The following EPHA5 variants were observed in gnomAD, a reference collection of about 807,000 sequenced individuals.
The protein encoded by EPHA5 is ephrin type-A receptor 5.
EPHA5 carries 60 observed loss-of-function variants against 105.0 expected under a neutral mutation model. The ratio of observed to expected loss-of-function variants is 0.57; its 90% CI spans 0.46 to 0.71. The LOEUF (loss-of-function observed/expected upper bound fraction) is 0.71. EPHA5 is among the 30% of genes least tolerant of loss of function. The probability of loss-of-function intolerance (pLI) is 0.00; values close to 1 mark genes in which losing one functional copy is unlikely to be tolerated. For missense variants in EPHA5, 1,218 were observed against 1,274.7 expected, an observed-to-expected ratio of 0.96 and a Z score of 0.68; for synonymous variants, 513 against 449.1, an observed-to-expected ratio of 1.14 and a Z score of -1.80.
intron 3 of EPHA5, among the ~76,000 whole-genome samples, chr4:65,578,184 C>T (rs1741254276): frequency 6.6e-6 from 1 of 152,092 alleles, no homozygotes; most frequent in African/African-American, 2.4e-5. Context: ...CCGAGTTTCT[C>T]ATCTAACACC....
chr4:65,667,784 C>G (rs769156020), intron 1 of EPHA5, among the ~76,000 whole-genome samples: 2 of 152,150 alleles, frequency 1.3e-5, no homozygotes, highest in African/African-American at 2.4e-5. Context: ...CTAAGTTCTC[C>G]CCTTCCATCA....
chr4:65,406,291 T>C (rs1197765040), intron 7 of EPHA5, among the ~76,000 whole-genome samples: 1 of 152,334 alleles, frequency 6.6e-6, no homozygotes, highest in African/African-American at 2.4e-5. Flanking sequence ...TGAAATTTTT[T>C]ATTCTTCTGC....
rs1466663638 is a variant in EPHA5 at position 65,322,661 on chromosome 4, C to G, written c.*1453G>C. 8.9e-6 allele frequency: 2 copies of G among 225,236 alleles called. No homozygotes were observed. Among genetic ancestry groups the G allele is most frequent in the Non-Finnish European group, 1.8e-5 (2 of 113,096 alleles). 14.0% of individuals were successfully genotyped at this position (225,236 alleles called of 1,614,324 possible). The stretch of plus-strand genomic sequence containing the variant: ...CATACATAGAAGATATGTTATATTC[C>G]TTAATAAGCCTAATTACATAATACC... On this transcript the variant is annotated 3_prime_UTR_variant, in exon 17 of 17. Transcript: ENST00000613740.
Position 65,374,368 on chromosome 4 carries a change from C to T in EPHA5, c.1794-6944G>A, listed in dbSNP as rs1718782234. ...ACAACAAAGCAAGCAGGCAACTATA[C>T]TGATGAAAATAATTTGAGATAAAAG... is the stretch of plus-strand genomic sequence containing the variant. On this transcript the variant is annotated intron_variant, in intron 8 of 16. Transcript: ENST00000613740. Among the ~76,000 whole-genome samples the T allele has an allele frequency of 2.0e-5, 3 of 151,840 alleles. No individual in the cohort carries two copies. In the Admixed American group the frequency reaches 2.0e-4, roughly 10 times the overall value.
At chr4:65,665,282 C>G (rs550760919) in intron 1 of EPHA5, among the ~76,000 whole-genome samples, 4 of 152,036 alleles carry the variant, frequency 2.6e-5, no homozygotes, top group African/African-American at 9.6e-5. Flanking sequence ...TAAAAAAGCA[C>G]TCCAGACAAA....
At chr4:65,652,603 C>T (rs1748706222) in intron 1 of EPHA5, among the ~76,000 whole-genome samples, 1 of 152,034 alleles carries the variant, frequency 6.6e-6, no homozygotes, top group Non-Finnish European at 1.5e-5. Context: ...TCATACTCGC[C>T]CCAACGTTTG....
chr4:65,576,058 G>GAAAGAAAGAAA (rs1740936148), intron 3 of EPHA5, among the ~76,000 whole-genome samples: 1 of 50,814 alleles, frequency 2.0e-5, no homozygotes, highest in South Asian at 7.4e-4. Context: ...AAGAAAGAAA[G>GAAAGAAAGAAA]AAAAGAAAAG....
intron 8 of EPHA5, among the ~76,000 whole-genome samples, chr4:65,394,998 G>T (rs1287710389): frequency 3.9e-5 from 6 of 152,106 alleles, no homozygotes; most frequent in Non-Finnish European, 8.8e-5. Context: ...GCTCGTTGAT[G>T]TGTCTAAATT....
At chr4:65,354,840 G>A (rs924080083) in intron 11 of EPHA5, among the ~76,000 whole-genome samples, 3 of 151,758 alleles carry the variant, frequency 2.0e-5, no homozygotes, top group East Asian at 3.9e-4. Flanking sequence ...TAATAATATA[G>A]GACAAGTAAG....
intron 3 of EPHA5, among the ~76,000 whole-genome samples, chr4:65,549,055 C>T (rs1737647876): frequency 6.6e-6 from 1 of 152,158 alleles, no homozygotes; most frequent in African/African-American, 2.4e-5. Flanking sequence ...AATAGCAGAT[C>T]TTTCTTTGAC....
chr4:65,574,641 C>T lies in EPHA5; in HGVS notation c.910+27000G>A, dbSNP rs1040139119. Among the ~76,000 whole-genome samples, 379 of 70,256 alleles carry T rather than the reference C, an allele frequency of 5.4e-3. 10 individuals carry two copies. The highest frequency in any genetic ancestry group is 0.016 in the African/African-American group (359 of 21,896). 46.1% of individuals were successfully genotyped at this position (70,256 alleles called of 152,430 possible). A position where few individuals can be genotyped will look rare whatever the true frequency, so the allele number is the denominator to read the frequency against. ...ATATATATATACACATATATATATA[C>T]ACATATATATACACATATATATATA... On this transcript the variant is annotated intron_variant, in intron 3 of 16. Transcript: ENST00000613740.
chr4:65,612,016 CAAAAAAAAA>C (rs1167342911), intron 2 of EPHA5, among the ~76,000 whole-genome samples: 6 of 58,104 alleles, frequency 1.0e-4, no homozygotes, highest in Non-Finnish European at 1.8e-4. Context: ...GACCCTCTCT[CAAAAAAAAA>C]AAAAAAAAAA....
chr4:65,533,017 C>A (rs1387790972), intron 3 of EPHA5, among the ~76,000 whole-genome samples: 1 of 152,090 alleles, frequency 6.6e-6, no homozygotes, highest in Non-Finnish European at 1.5e-5. Context: ...TTTGACTCTT[C>A]CTTGTCTGTG....
chr4:65,483,213 G>C (rs1055687017), intron 5 of EPHA5, among the ~76,000 whole-genome samples: 1 of 152,156 alleles, frequency 6.6e-6, no homozygotes, highest in Admixed American at 6.5e-5. Context: ...TGGCAGCATA[G>C]TATTCCATAG....
At chr4:65,462,600 A>T (rs1163159102) in intron 5 of EPHA5, among the ~76,000 whole-genome samples, 1 of 152,174 alleles carries the variant, frequency 6.6e-6, no homozygotes, top group African/African-American at 2.4e-5. Flanking sequence ...TGACCTGGTC[A>T]GGGCACTCCC....
intron 3 of EPHA5, among the ~76,000 whole-genome samples, chr4:65,548,938 A>G (rs1426039213): frequency 6.6e-6 from 1 of 152,200 alleles, no homozygotes; most frequent in African/African-American, 2.4e-5. Flanking sequence ...GCTAGCGCTA[A>G]TGCTGTAAAA....
intron 3 of EPHA5, among the ~76,000 whole-genome samples, chr4:65,571,229 T>C (rs1210174969): frequency 1.3e-5 from 2 of 151,844 alleles, no homozygotes; most frequent in Non-Finnish European, 2.9e-5. Context: ...GGAGACTATA[T>C]CTTAAATTTA....
chr4:65,576,000 G>GAGAGAA (rs1553943368), intron 3 of EPHA5, among the ~76,000 whole-genome samples: 4 of 29,730 alleles, frequency 1.3e-4, no homozygotes, highest in Non-Finnish European at 2.0e-4. Flanking sequence ...GAGAGAGAGA[G>GAGAGAA]AGAAAGAAAG....
intron 11 of EPHA5, among the ~76,000 whole-genome samples, chr4:65,358,894 C>A (rs1264025013): frequency 6.6e-6 from 1 of 151,400 alleles, no homozygotes; most frequent in Non-Finnish European, 1.5e-5. Flanking sequence ...TGATATAAAC[C>A]TTTTCAATAG....
Sources: allele counts gnomAD v4.1 joint callset (sites outside exome capture counted in the v4.1 genomes callset), GRCh38; gene constraint gnomAD v4.1.1; transcripts MANE v1.5; gene names NCBI Gene and HGNC (gene_info 2026-07-23, HGNC 2026-07-21).